DIO2: variants seen among roughly 807,000 people sequenced by gnomAD.
DIO2 encodes type II iodothyronine deiodinase.
DIO2 carries 19 observed loss-of-function variants against 21.4 expected under a neutral mutation model. The ratio of observed to expected loss-of-function variants is 0.89; its 90% CI spans 0.62 to 1.30. The LOEUF is 1.30. Among genes scored for constraint, DIO2 ranks in the 50% most tolerant of loss-of-function variants. DIO2 has a pLI of 0.00. For missense variants in DIO2, 302 were observed against 338.1 expected, an observed-to-expected ratio of 0.89 and a Z score of 0.84; for synonymous variants, 122 against 132.9, an observed-to-expected ratio of 0.92 and a Z score of 0.57.
intron 2 of DIO2, among the ~76,000 whole-genome samples, chr14:80,228,403 G>A (rs1238304997): frequency 6.6e-6 from 1 of 152,138 alleles, no homozygotes. Flanking sequence ...GTGACCACTT[G>A]GTTAAGCTTA....
chr14:80,230,157 G>A (rs949298299), intron 2 of DIO2, among the ~76,000 whole-genome samples: 1 of 152,114 alleles, frequency 6.6e-6, no homozygotes, highest in African/African-American at 2.4e-5. Flanking sequence ...TACTGGGAAT[G>A]GGGAAGCTGT....
intron 2 of DIO2, among the ~76,000 whole-genome samples, chr14:80,223,664 C>T (rs1000455005): frequency 6.6e-6 from 1 of 152,106 alleles, no homozygotes; most frequent in Non-Finnish European, 1.5e-5. Flanking sequence ...GTGAATTATA[C>T]AATTTTAGAG....
In DIO2 at chr14:80,202,560, G is replaced by A. The variant is rs1195542147; in HGVS notation, c.*129C>T. The A allele has an allele frequency of 1.0e-6, 1 of 988,688 alleles. No individual in the cohort carries two copies. The allele number at this position is 988,688 out of a possible 1,614,324, so 61.2% of individuals were successfully genotyped here. A position where few individuals can be genotyped will look rare whatever the true frequency, so the allele number is the denominator to read the frequency against. On this transcript the variant is annotated 3_prime_UTR_variant, in exon 2 of 2. Transcript: ENST00000438257. ...AAGTATGGAGCTGTTAGAGATTCAT[G>A]TTCTTCCGATAGATAAACTCCTGTC...
rs1233543968 is a variant in DIO2 at position 80,202,489 on chromosome 14, G to C, written c.*200C>G. ...ATAGGGCTTTTTACTAAGAAGAGAG[G>C]TGATATGGTTACTTACTCAGCCCAA... On this transcript the variant is annotated 3_prime_UTR_variant, in exon 2 of 2. Coordinates refer to ENST00000438257, the MANE Select transcript of DIO2 (RefSeq NM_013989.5). 1 of 738,022 alleles carries C rather than the reference G, an allele frequency of 1.4e-6. No individual in the cohort carries two copies. Among genetic ancestry groups the C allele is most frequent in the African/African-American group, 1.7e-5 (1 of 58,134 alleles). The allele number at this position is 738,022 out of a possible 1,614,324, so 45.7% of individuals were successfully genotyped here.
At chr14:80,220,086 G>A (rs1437567962) in intron 2 of DIO2, among the ~76,000 whole-genome samples, 1 of 151,634 alleles carries the variant, frequency 6.6e-6, no homozygotes, top group East Asian at 1.9e-4. Context: ...TTTTGTTTTT[G>A]TTTTTTGAGA....
At chr14:80,216,272 G>T (rs2140014398), upstream of DIO2, 1 of 152,378 alleles carries the variant, frequency 6.6e-6, no homozygotes, top group Admixed American at 6.5e-5. Context: ...GATTCAATGA[G>T]TTGCCAGTGG....
At chr14:80,219,546 A>G (rs555850256) in intron 2 of DIO2, 1 of 147,018 alleles carries the variant, frequency 6.8e-6, no homozygotes, top group East Asian at 2.0e-4. Flanking sequence ...CCATTCACTT[A>G]CAACAAACAT....
intron 1 of DIO2, chr14:80,206,367 G>A (rs1015137438): frequency 2.2e-5 from 28 of 1,268,534 alleles, no homozygotes; most frequent in Admixed American, 1.6e-4. Context: ...ACTTTTTTTA[G>A]ATATGGAAGT....
chr14:80,208,735 G>C (rs1888050657), intron 1 of DIO2, among the ~76,000 whole-genome samples: 1 of 152,178 alleles, frequency 6.6e-6, no homozygotes, highest in Non-Finnish European at 1.5e-5. Flanking sequence ...TCAGAGAAGT[G>C]ATTCAACCTG....
At chr14:80,222,397 A>C (rs1888483020) in intron 2 of DIO2, among the ~76,000 whole-genome samples, 1 of 152,256 alleles carries the variant, frequency 6.6e-6, no homozygotes, top group South Asian at 2.1e-4. Flanking sequence ...AAATGATTAC[A>C]AAGTTTGTAA....
intron 2 of DIO2, among the ~76,000 whole-genome samples, chr14:80,229,020 C>T (rs1234832509): frequency 1.3e-5 from 2 of 152,096 alleles, no homozygotes; most frequent in Admixed American, 1.3e-4. Flanking sequence ...GTAGTGGGGT[C>T]CTAACCTCAA....
Position 80,229,953 on chromosome 14 carries a change from GC to G in DIO2, c.-277-13217del, listed in dbSNP as rs749152086. Among the ~76,000 whole-genome samples the G allele has an allele frequency of 1.8e-3, 279 of 152,240 alleles. 3 individuals carry two copies. Among genetic ancestry groups the G allele is most frequent in the Middle Eastern group, 0.017 (5 of 294 alleles). ...CTCTCAACCTCACCTCTAGGGGCCT[GC>G]TAGGACTTTAGTTATAGGTCTAGAA... On this transcript the variant is annotated intron_variant, in intron 2 of 4. Coordinates refer to the DIO2 transcript ENST00000553594.
intron 2 of DIO2, among the ~76,000 whole-genome samples, chr14:80,218,312 T>C (rs1421895256): frequency 6.6e-6 from 1 of 152,048 alleles, no homozygotes; most frequent in Admixed American, 6.5e-5. Context: ...TCTACTTAAC[T>C]TGATGGAAAC....
In DIO2 at chr14:80,202,662, A is replaced by G. The variant is rs972852728; in HGVS notation, c.*27T>C. 4 of 1,561,870 alleles carry G rather than the reference A, an allele frequency of 2.6e-6. No homozygotes were observed. Among genetic ancestry groups the G allele is most frequent in the Non-Finnish European group, 2.6e-6 (3 of 1,154,540 alleles). ...CCTTGCCTTTATATAACTTTTTAAA[A>G]CAATAAGCTCTCTTATAATCATACC... On this transcript the variant is annotated 3_prime_UTR_variant, in exon 2 of 2. Coordinates refer to ENST00000438257, the MANE Select transcript of DIO2 (RefSeq NM_013989.5).
rs898284315 is a variant in DIO2, at chr14:80,198,956, ATTAAAG to A, written c.*3727_*3732del. On this transcript the variant is annotated 3_prime_UTR_variant, in exon 2 of 2. Transcript: ENST00000438257. The stretch of plus-strand genomic sequence containing the variant: ...CTTTTTCAATGGTCATATGATCCTA[ATTAAAG>A]TTATTTTCCAAACCATCAGTCAGAG... 1 of 152,170 alleles carries A rather than the reference ATTAAAG, an allele frequency of 6.6e-6. No individual in the cohort carries two copies. Among genetic ancestry groups the A allele is most frequent in the Non-Finnish European group, 1.5e-5 (1 of 68,036 alleles). 9.4% of individuals were successfully genotyped at this position (152,170 alleles called of 1,614,324 possible). A position where few individuals can be genotyped will look rare whatever the true frequency, so the allele number is the denominator to read the frequency against.
intron 2 of DIO2, among the ~76,000 whole-genome samples, chr14:80,226,913 T>C (rs910215251): frequency 2.0e-5 from 3 of 152,216 alleles, no homozygotes; most frequent in African/African-American, 7.2e-5. Flanking sequence ...ACATACGTCT[T>C]CCCCACATTT....
At position 80,220,816 on chromosome 14, in the gene DIO2, G is replaced by A. The variant is rs938657861; in HGVS notation, c.-277-4079C>T. On this transcript the variant is annotated intron_variant, in intron 2 of 4. Coordinates refer to the DIO2 transcript ENST00000553594. Reference sequence around the variant, plus strand: ...CACCTGAACAGTGCATAGGAGGCACGGCTAGAGACTTTGAGGATGTTTACT... The same window carrying A: ...CACCTGAACAGTGCATAGGAGGCACAGCTAGAGACTTTGAGGATGTTTACT... Among the ~76,000 whole-genome samples the A allele has an allele frequency of 3.9e-5, 6 of 152,224 alleles. No homozygotes were observed. The East Asian group carries it at 9.6e-4, about 24-fold the overall frequency.
intron 2 of DIO2, among the ~76,000 whole-genome samples, chr14:80,226,947 T>C (rs146583943): frequency 6.6e-6 from 1 of 152,226 alleles, no homozygotes; most frequent in Admixed American, 6.5e-5. Flanking sequence ...TTTCCAATCA[T>C]CCTTCTTCCA....
chr14:80,211,187 G>T (rs1029855619), intron 1 of DIO2, 64 bp downstream of exon 1: 14 of 1,497,826 alleles, frequency 9.3e-6, no homozygotes, highest in Admixed American at 1.7e-5. Flanking sequence ...ATGGCCTCTG[G>T]TCCCCAGCAT....
Sources: gnomAD v4.1 joint callset for allele counts (sites outside exome capture counted in the v4.1 genomes callset) on GRCh38, gnomAD v4.1.1 for gene constraint, MANE v1.5 for transcripts, NCBI Gene and HGNC (gene_info 2026-07-23, HGNC 2026-07-21) for gene names.